The following TYW1B variants were observed in gnomAD, a reference collection of about 807,000 sequenced individuals.
TYW1B encodes the protein tRNA-yW synthesizing protein 1 homolog B, also known as S-adenosyl-L-methionine-dependent tRNA 4-demethylwyosine synthase TYW1B.
In TYW1B, 73 loss-of-function variants were observed where a neutral mutation model predicts 86.9. That is an observed-to-expected ratio of 0.84 (90% CI 0.70 to 1.02). The LOEUF (loss-of-function observed/expected upper bound fraction) is 1.02. TYW1B is among the 50% of genes least tolerant of loss of function. TYW1B has a pLI of 0.00. For synonymous variants in TYW1B, 248 were observed against 292.8 expected, an observed-to-expected ratio of 0.85 and a Z score of 1.56; for missense variants, 637 against 827.4, an observed-to-expected ratio of 0.77 and a Z score of 2.82.
chr7:72,717,433 C>A (rs1786812064), intron 9 of TYW1B, among the ~76,000 whole-genome samples: 1 of 152,122 alleles, frequency 6.6e-6, no homozygotes, highest in Non-Finnish European at 1.5e-5. Flanking sequence ...AACCTGCATT[C>A]CACAGGAAGC....
At chr7:72,716,514 A>T (rs1478589805) in intron 9 of TYW1B, among the ~76,000 whole-genome samples, 1 of 152,182 alleles carries the variant, frequency 6.6e-6, no homozygotes, top group Non-Finnish European at 1.5e-5. Context: ...TCAGAAAGTG[A>T]TTTTATTTTA....
At chr7:72,719,727 G>A (rs1450833410) in intron 9 of TYW1B, among the ~76,000 whole-genome samples, 1 of 152,042 alleles carries the variant, frequency 6.6e-6, no homozygotes, top group Admixed American at 6.6e-5. Flanking sequence ...AGGAAAAAGA[G>A]GCAGGCTGAC....
At chr7:72,644,826 CTTTTTTTTTT>C (rs371295909) in intron 11 of TYW1B, among the ~76,000 whole-genome samples, 3 of 119,628 alleles carry the variant, frequency 2.5e-5, no homozygotes, top group Non-Finnish European at 3.5e-5. Flanking sequence ...CATGACTTTC[CTTTTTTTTTT>C]TTTTTTTTTT....
chr7:72,715,740 A>G lies in TYW1B; in HGVS notation c.1193-1942T>C, dbSNP rs141200644. On this transcript the variant is annotated intron_variant, in intron 9 of 13. Transcript: ENST00000620995. ...CTGCACTTGTACCCCTGAACTTAAG[A>G]GTTAAAAAAAAAAACAAAGAAAAAA... is the stretch of plus-strand genomic sequence containing the variant. Among the ~76,000 whole-genome samples the G allele has an allele frequency of 5.3e-5, 8 of 151,680 alleles. No individual in the cohort carries two copies. In the East Asian group the frequency reaches 9.7e-4, roughly 18 times the overall value.
chr7:72,765,528 C>G (rs1176133849), intron 7 of TYW1B, among the ~76,000 whole-genome samples: 1 of 152,040 alleles, frequency 6.6e-6, no homozygotes, highest in African/African-American at 2.4e-5. Flanking sequence ...TGCAGTGGTG[C>G]GATCATGATT....
At chr7:72,810,416 G>T (rs1362583850) in intron 4 of TYW1B, 55 bp downstream of exon 4, 3 of 1,446,794 alleles carry the variant, frequency 2.1e-6, no homozygotes, top group Non-Finnish European at 2.8e-6. Flanking sequence ...GTGTGTGTGC[G>T]TGTGTGTGTG....
intron 3 of TYW1B, among the ~76,000 whole-genome samples, chr7:72,812,331 C>G (rs375465732): frequency 6.6e-5 from 10 of 152,174 alleles, no homozygotes; most frequent in Admixed American, 4.6e-4. Flanking sequence ...CACAGGAGGT[C>G]AGGTGCGAAA....
rs1554446050 is a variant in TYW1B at position 72,669,974 on chromosome 7, A to AATAC, written c.1506+24712_1506+24713insGTAT. On this transcript the variant is annotated intron_variant, in intron 11 of 13. Coordinates refer to ENST00000620995, the MANE Select transcript of TYW1B (RefSeq NM_001145440.3). ...AAATAAATAAATAAATAAATAAATAAATAAAGATTAGCTGGCTGTGGTGGC... is the reference window on the plus strand; with the variant it reads ...AAATAAATAAATAAATAAATAAATAAATACATAAAGATTAGCTGGCTGTGGTGGC... Among the ~76,000 whole-genome samples the AATAC allele has an allele frequency of 6.2e-3, 759 of 123,118 alleles. 8 individuals are homozygous for AATAC. Among genetic ancestry groups the AATAC allele is most frequent in the African/African-American group, 0.02 (742 of 36,702 alleles). The allele number at this position is 123,118 out of a possible 152,430, so 80.8% of individuals were successfully genotyped here.
chr7:72,768,154 C>T (rs1358771324), intron 7 of TYW1B, among the ~76,000 whole-genome samples: 1 of 151,622 alleles, frequency 6.6e-6, no homozygotes, highest in Non-Finnish European at 1.5e-5. Context: ...GAGAGAGGAT[C>T]GCTTCAGCCC....
chr7:72,795,635 T>C (rs1241906787), intron 6 of TYW1B, among the ~76,000 whole-genome samples: 1 of 147,754 alleles, frequency 6.8e-6, no homozygotes, highest in African/African-American at 2.5e-5. Context: ...TCACCTGATC[T>C]CTCCATTTGT....
intron 13 of TYW1B, among the ~76,000 whole-genome samples, chr7:72,613,045 C>T (rs748839157): frequency 6.6e-6 from 1 of 152,058 alleles, no homozygotes; most frequent in Non-Finnish European, 1.5e-5. Flanking sequence ...GCCACTGCAC[C>T]TCACCAAGAA....
intron 11 of TYW1B, among the ~76,000 whole-genome samples, chr7:72,643,196 A>C (rs1269992010): frequency 6.6e-6 from 1 of 152,190 alleles, no homozygotes; most frequent in Admixed American, 6.5e-5. Flanking sequence ...GAAACAAAAG[A>C]ACAGAAATTA....
intron 10 of TYW1B, among the ~76,000 whole-genome samples, chr7:72,699,831 G>C (rs2129570395): frequency 6.6e-6 from 1 of 152,080 alleles, no homozygotes; most frequent in South Asian, 2.1e-4. Context: ...TGTATTTTTA[G>C]TGGAGATGGG....
intron 6 of TYW1B, among the ~76,000 whole-genome samples, chr7:72,794,734 G>A (rs1554474208): frequency 6.6e-6 from 1 of 152,034 alleles, no homozygotes. Context: ...TCCCTGGAAA[G>A]AGAGTCAACT....
At chr7:72,608,161 G>A (rs181901503) in intron 13 of TYW1B, among the ~76,000 whole-genome samples, 136 of 152,320 alleles carry the variant, frequency 8.9e-4, no homozygotes, top group African/African-American at 3.1e-3. Context: ...TATCACACTG[G>A]CTCTAAGAGA....
At chr7:72,681,888 T>G (rs1471279739) in intron 11 of TYW1B, among the ~76,000 whole-genome samples, 1 of 146,910 alleles carries the variant, frequency 6.8e-6, no homozygotes, top group East Asian at 2.1e-4. Context: ...CCCGGCCGTC[T>G]GTTTTTTTAG....
At chr7:72,648,846 G>T (rs116618825) in intron 11 of TYW1B, among the ~76,000 whole-genome samples, 1 of 152,140 alleles carries the variant, frequency 6.6e-6, no homozygotes, top group African/African-American at 2.4e-5. Context: ...GCTGAGAGGC[G>T]CAAGATGCAC....
chr7:72,774,003 G>A (rs1787909548), intron 7 of TYW1B, among the ~76,000 whole-genome samples: 1 of 150,200 alleles, frequency 6.7e-6, no homozygotes, highest in Non-Finnish European at 1.5e-5. Context: ...AGGAGGAGGT[G>A]GTGAGCCAAG....
intron 2 of TYW1B, among the ~76,000 whole-genome samples, chr7:72,822,217 A>C (rs2129572944): frequency 6.6e-6 from 1 of 151,402 alleles, no homozygotes; most frequent in African/African-American, 2.4e-5. Flanking sequence ...TAAAAAGAAA[A>C]AGTTACAAAA....
Sources: gnomAD v4.1 joint callset for allele counts (sites outside exome capture counted in the v4.1 genomes callset) on GRCh38, gnomAD v4.1.1 for gene constraint, MANE v1.5 for transcripts, NCBI Gene and HGNC (gene_info 2026-07-23, HGNC 2026-07-21) for gene names.